PLEKHG4B: variants seen among roughly 807,000 people sequenced by gnomAD.
PLEKHG4B encodes the protein pleckstrin homology and RhoGEF domain containing G4B.
Under a neutral mutation model 121.3 loss-of-function variants are expected in PLEKHG4B, and 111 were observed. That is an observed-to-expected ratio of 0.92 (90% CI 0.78 to 1.07). The LOEUF (loss-of-function observed/expected upper bound fraction) is 1.07, where lower values mean the gene tolerates loss of function less well. PLEKHG4B is among the 50% of genes least tolerant of loss of function. The probability of loss-of-function intolerance (pLI) is 0.00; values close to 1 mark genes in which losing one functional copy is unlikely to be tolerated. For missense variants in PLEKHG4B, 1,831 were observed against 1,757.8 expected, an observed-to-expected ratio of 1.04 and a Z score of -0.74; for synonymous variants, 738 against 725.0, an observed-to-expected ratio of 1.02 and a Z score of -0.29.
At chr5:114,358 C>A (rs546356433) in intron 2 of PLEKHG4B, among the ~76,000 whole-genome samples, 10 of 152,338 alleles carry the variant, frequency 6.6e-5, no homozygotes, top group Non-Finnish European at 1.5e-4. Context: ...CCTCTCACAT[C>A]CTTCTGTTTA....
chr5:135,665 CAAAAAAAAA>C (rs139636561), intron 2 of PLEKHG4B, among the ~76,000 whole-genome samples: 255 of 18,060 alleles, frequency 0.014, 1 homozygote, highest in Admixed American at 0.026. Flanking sequence ...GACTCCATCT[CAAAAAAAAA>C]AAAAAAAAAT....
rs1315504592 is a variant in PLEKHG4B at position 143,505 on chromosome 5, T to G, written c.1811+2T>G. The G allele has an allele frequency of 1.2e-6, 2 of 1,612,612 alleles. No homozygotes were observed. Among genetic ancestry groups the G allele is most frequent in the Non-Finnish European group, 8.5e-7 (1 of 1,179,896 alleles). On this transcript the variant is annotated splice_donor_variant, in intron 5 of 19. Coordinates refer to ENST00000637938, the MANE Select transcript of PLEKHG4B (RefSeq NM_052909.5). LOFTEE classifies it high-confidence loss of function. ...GCTGTACTTCCATAGCATCCCCAGG[T>G]GGGACGGGGGGCAAGGCCGCACCCT...
intron 2 of PLEKHG4B, among the ~76,000 whole-genome samples, chr5:116,634 G>T (rs968255327): frequency 6.6e-6 from 1 of 152,248 alleles, no homozygotes; most frequent in Non-Finnish European, 1.5e-5. Context: ...GGTTGTGGGT[G>T]TGTTGCAGCG....
intron 14 of PLEKHG4B, among the ~76,000 whole-genome samples, chr5:170,162 G>A (rs973905454): frequency 6.6e-6 from 1 of 152,208 alleles, no homozygotes; most frequent in Non-Finnish European, 1.5e-5. Context: ...ATTTACTCTG[G>A]AAAGAAACTG....
At chr5:177,839 C>T (rs1736806870) in intron 18 of PLEKHG4B, among the ~76,000 whole-genome samples, 2 of 152,188 alleles carry the variant, frequency 1.3e-5, no homozygotes, top group African/African-American at 2.4e-5. Flanking sequence ...GAGGATGCGC[C>T]GTGTGCTTAG....
intron 2 of PLEKHG4B, among the ~76,000 whole-genome samples, chr5:121,508 G>A (rs890381904): frequency 6.6e-6 from 1 of 152,100 alleles, no homozygotes; most frequent in Non-Finnish European, 1.5e-5. Context: ...GGGGAGGAAA[G>A]TGAGAAAAGG....
chr5:115,652 A>C (rs371159386), intron 2 of PLEKHG4B, among the ~76,000 whole-genome samples: 18 of 152,250 alleles, frequency 1.2e-4, no homozygotes, highest in African/African-American at 4.1e-4. Flanking sequence ...TACTTGCTGC[A>C]GCTTCTCCAT....
intron 1 of PLEKHG4B, among the ~76,000 whole-genome samples, chr5:95,838 A>T (rs1733614056): frequency 6.6e-6 from 1 of 151,872 alleles, no homozygotes; most frequent in African/African-American, 2.4e-5. Flanking sequence ...TGTCTGCTGG[A>T]GGGGGATGAC....
At chr5:158,809 A>C (rs1735892221) in intron 11 of PLEKHG4B, among the ~76,000 whole-genome samples, 2 of 149,512 alleles carry the variant, frequency 1.3e-5, no homozygotes, top group Admixed American at 6.6e-5. Flanking sequence ...CTCCCTCCCC[A>C]CTCTGCCCCA....
In PLEKHG4B at chr5:120,233, C is replaced by T. The variant is rs189069733; in HGVS notation, c.243+6785C>T. Among the ~76,000 whole-genome samples, 379 of 152,272 alleles carry T rather than the reference C, an allele frequency of 2.5e-3. 4 individuals carry two copies. The highest frequency in any genetic ancestry group is 5.4e-3 in the Admixed American group (82 of 15,298). On this transcript the variant is annotated intron_variant, in intron 2 of 19. Transcript: ENST00000637938. Reference sequence around the variant, plus strand: ...GTACCACTGCACTTGGCCTGGGCAACACAGCAAGACCCTGCTTCAAAAGCT... The same window carrying T: ...GTACCACTGCACTTGGCCTGGGCAATACAGCAAGACCCTGCTTCAAAAGCT...
At chr5:162,067 G>A (rs1189518249) in intron 12 of PLEKHG4B, 123 bp downstream of exon 12, 16 of 1,277,700 alleles carry the variant, frequency 1.3e-5, no homozygotes, top group African/African-American at 8.5e-5. Flanking sequence ...GGGCACCTGC[G>A]ATGGAGCCCC....
Position 156,271 on chromosome 5 carries a change from T to C in PLEKHG4B, c.2348+61T>C, listed in dbSNP as rs142522347. ...CATCGAGGGAGCTGCTCGGGGGAGT[T>C]TGCACCAGGAGGCGTAGCGCTCTGC... On this transcript the variant is annotated intron_variant, in intron 10 of 19. Coordinates refer to ENST00000637938, the MANE Select transcript of PLEKHG4B (RefSeq NM_052909.5). This position sits in a 1 kb window ranked among gnomAD's most constrained non-coding sequence, Gnocchi z 4.4. 637 of 1,354,354 alleles carry C rather than the reference T, an allele frequency of 4.7e-4. 4 individuals are homozygous for C. The African/African-American group carries it at 8.6e-3, about 18-fold the overall frequency. 83.9% of individuals were successfully genotyped at this position (1,354,354 alleles called of 1,614,324 possible). A position where few individuals can be genotyped will look rare whatever the true frequency, so the allele number is the denominator to read the frequency against.
At chr5:169,741 C>T in intron 14 of PLEKHG4B, 149 bp downstream of exon 14, 1 of 1,230,604 alleles carries the variant, frequency 8.1e-7, no homozygotes, top group South Asian at 1.5e-5. Flanking sequence ...TTAAGACCAG[C>T]CGAAAAACAG....
At chr5:145,076 G>C (rs571888980) in intron 6 of PLEKHG4B, among the ~76,000 whole-genome samples, 156 bp downstream of exon 6, 8 of 152,224 alleles carry the variant, frequency 5.3e-5, no homozygotes, top group Non-Finnish European at 1.0e-4. Context: ...TCCTTCTTGG[G>C]GTCTTCCCAG....
At chr5:146,956 A>G (rs1735441072) in intron 6 of PLEKHG4B, among the ~76,000 whole-genome samples, 1 of 152,110 alleles carries the variant, frequency 6.6e-6, no homozygotes, top group South Asian at 2.1e-4. Context: ...TGGAGGAGAC[A>G]GGCTCAGTCA....
intron 1 of PLEKHG4B, among the ~76,000 whole-genome samples, chr5:94,247 C>T (rs926271762): frequency 1.3e-5 from 2 of 152,240 alleles, no homozygotes; most frequent in South Asian, 4.1e-4. Context: ...CCTGCGGCAG[C>T]GGTTCTGTTC....
At chr5:112,744 G>A (rs1734193027) in intron 1 of PLEKHG4B, among the ~76,000 whole-genome samples, 1 of 152,220 alleles carries the variant, frequency 6.6e-6, no homozygotes, top group African/African-American at 2.4e-5. Context: ...TGTGGGATGA[G>A]CTTGTTTTCT....
chr5:143,385 C>G lies in PLEKHG4B; in HGVS notation c.1693C>G (p.Arg565Gly), dbSNP rs1465533085. 1 of 1,612,320 alleles carries G rather than the reference C, an allele frequency of 6.2e-7. No individual in the cohort carries two copies. Among genetic ancestry groups the G allele is most frequent in the Non-Finnish European group, 8.5e-7 (1 of 1,179,734 alleles). The part of the protein sequence containing the change: ...QSGVVTLPGT[R>G]DRHGRAVVQV... ...CCCTGTCTCTGTCTCCGCAGGGACC[C>G]GAGACCGTCATGGCAGAGCAGTGGT... is the stretch of plus-strand genomic sequence containing the variant. Residue 565 changes from arginine to glycine, a missense_variant, in exon 5 of 20, where the codon CGA becomes GGA. Transcript: ENST00000637938.
chr5:160,468 C>G (rs929454873), intron 11 of PLEKHG4B, among the ~76,000 whole-genome samples: 1 of 152,220 alleles, frequency 6.6e-6, no homozygotes, highest in Non-Finnish European at 1.5e-5. Flanking sequence ...AAATGGAGCC[C>G]CTAAACAGTG....
Sources: gnomAD v4.1 joint callset for allele counts (sites outside exome capture counted in the v4.1 genomes callset) on GRCh38, gnomAD v4.1.1 for gene constraint, Gnocchi (gnomAD v3.1) non-coding constraint, MANE v1.5 for transcripts, NCBI Gene and HGNC (gene_info 2026-07-23, HGNC 2026-07-21) for gene names.